TP63: variants seen among roughly 807,000 people sequenced by gnomAD.
TP63 encodes tumor protein 63.
A neutral mutation model predicts 82.8 loss-of-function variants in TP63; 17 were observed. That is an observed-to-expected ratio of 0.21 (90% CI 0.14 to 0.31). The LOEUF (loss-of-function observed/expected upper bound fraction) is 0.31. Ranked by LOEUF, TP63 falls within the 10% of genes least tolerant of loss-of-function variation. TP63 has a pLI of 1.00. For synonymous variants in TP63, 330 were observed against 321.7 expected (o/e 1.03, Z -0.28); for missense variants, 648 against 895.3 (o/e 0.72, Z 3.52).
At chr3:189,754,351 G>A (rs1722029875) in intron 3 of TP63, among the ~76,000 whole-genome samples, 1 of 151,942 alleles carries the variant, frequency 6.6e-6, no homozygotes, top group African/African-American at 2.4e-5. Context: ...AACTCAATTT[G>A]AACAAATTAT....
chr3:189,801,794 G>C (rs916444508), intron 3 of TP63, among the ~76,000 whole-genome samples: 1 of 152,098 alleles, frequency 6.6e-6, no homozygotes, highest in Admixed American at 6.5e-5. Flanking sequence ...TGAACTCTCT[G>C]CTTACAGTCT....
chr3:189,724,868 G>A (rs1446806682), intron 1 of TP63, among the ~76,000 whole-genome samples: 1 of 152,188 alleles, frequency 6.6e-6, no homozygotes, highest in African/African-American at 2.4e-5. Context: ...TCTTCAGGCA[G>A]TGGGGTGGAT....
chr3:189,750,651 T>C (rs781664851), intron 3 of TP63, among the ~76,000 whole-genome samples: 16 of 152,076 alleles, frequency 1.1e-4, no homozygotes, highest in East Asian at 1.9e-4. Flanking sequence ...TAATAAAACG[T>C]TGGACTCTGA....
At chr3:189,694,327 AT>A (rs1560115577) in intron 1 of TP63, among the ~76,000 whole-genome samples, 1 of 152,252 alleles carries the variant, frequency 6.6e-6, no homozygotes, top group Admixed American at 6.5e-5. Flanking sequence ...GTGATACATT[AT>A]TTTTAACTAA....
chr3:189,710,567 T>G (rs956008020), intron 1 of TP63, among the ~76,000 whole-genome samples: 20 of 152,200 alleles, frequency 1.3e-4, no homozygotes, highest in African/African-American at 4.8e-4. Context: ...ATCTTGCTGA[T>G]TTGTCCAACT....
At position 189,684,541 on chromosome 3, in the gene TP63, A is replaced by T. The variant is rs144926415; in HGVS notation, c.62+52964A>T. Among the ~76,000 whole-genome samples, 629 of 152,170 alleles carry T rather than the reference A, an allele frequency of 4.1e-3. 4 individuals carry two copies. Among genetic ancestry groups the T allele is most frequent in the African/African-American group, 0.014 (588 of 41,532 alleles). Reference sequence around the variant, plus strand: ...CTGAAGGTTAAGGGCAGGAAGTGAGAGTAGATTAGAGCAAAAGAGAAATAT... The same window carrying T: ...CTGAAGGTTAAGGGCAGGAAGTGAGTGTAGATTAGAGCAAAAGAGAAATAT... On this transcript the variant is annotated intron_variant, in intron 1 of 13. Coordinates refer to ENST00000264731, the MANE Select transcript of TP63 (RefSeq NM_003722.5).
chr3:189,773,915 C>CTTTTTTTTT (rs57761830), intron 3 of TP63, among the ~76,000 whole-genome samples: 1 of 72,892 alleles, frequency 1.4e-5, no homozygotes, highest in Non-Finnish European at 2.4e-5. Flanking sequence ...TGTCTCGTGC[C>CTTTTTTTTT]TTTTTTTTTT....
rs1560311554 is a variant in TP63, at chr3:189,894,386, C to T, written c.1927C>T (p.Arg643Ter). ...TRGERVIDAVRFTLRQTISFP... is the reference protein window; with the variant it reads ...TRGERVIDAV ...GGGTGAGCGTGTTATTGATGCTGTG[C>T]GATTCACCCTCCGCCAGACCATCTC... Residue 643 changes from arginine (R) to a stop codon, truncating the protein, a stop_gained, in exon 14 of 14, where the codon CGA becomes TGA. Coordinates refer to ENST00000264731, the MANE Select transcript of TP63 (RefSeq NM_003722.5). LOFTEE classifies it high-confidence loss of function. The T allele has an allele frequency of 6.2e-7, 1 of 1,613,954 alleles. No homozygotes were observed. The highest frequency in any genetic ancestry group is 8.5e-7 in the Non-Finnish European group (1 of 1,179,986).
At chr3:189,654,497 AT>A (rs1265842922) in intron 1 of TP63, among the ~76,000 whole-genome samples, 8 of 152,254 alleles carry the variant, frequency 5.3e-5, no homozygotes, top group Non-Finnish European at 1.2e-4. Flanking sequence ...AAATAAACAC[AT>A]TTTTGATGTT....
intron 4 of TP63, among the ~76,000 whole-genome samples, chr3:189,841,664 G>A (rs1289894188): frequency 2.6e-5 from 4 of 152,186 alleles, no homozygotes; most frequent in African/African-American, 7.2e-5. Flanking sequence ...TGAGCTGTGA[G>A]TGCCTCCCAG....
At chr3:189,870,031 A>G (rs1718228629) in intron 9 of TP63, among the ~76,000 whole-genome samples, 1 of 152,222 alleles carries the variant, frequency 6.6e-6, no homozygotes, top group African/African-American at 2.4e-5. Context: ...CTAAACTCCT[A>G]ACAGAATTTT....
chr3:189,604,837 A>G, the TP63 span, among the ~76,000 whole-genome samples: 1 of 152,210 alleles, frequency 6.6e-6, no homozygotes, highest in Non-Finnish European at 1.5e-5. Flanking sequence ...TGATTCTTTA[A>G]AAGTCTTGGG....
At chr3:189,701,145 T>C (rs770769769) in intron 1 of TP63, among the ~76,000 whole-genome samples, 15 of 152,130 alleles carry the variant, frequency 9.9e-5, no homozygotes, top group Non-Finnish European at 2.1e-4. Context: ...CATGGAGCTG[T>C]GAGTCCATTA....
intron 3 of TP63, among the ~76,000 whole-genome samples, chr3:189,799,441 A>G (rs1726054045): frequency 6.6e-6 from 1 of 152,102 alleles, no homozygotes; most frequent in Non-Finnish European, 1.5e-5. Context: ...GAATAATTAT[A>G]TGACCACAAA....
At chr3:189,600,537 A>G in the TP63 span, among the ~76,000 whole-genome samples, 9 of 152,214 alleles carry the variant, frequency 5.9e-5, no homozygotes, top group African/African-American at 2.2e-4. Flanking sequence ...AAGGTGTGAC[A>G]ACTAGTAAGT....
chr3:189,764,762 A>T (rs1001473708), intron 3 of TP63, among the ~76,000 whole-genome samples: 1 of 152,156 alleles, frequency 6.6e-6, no homozygotes, highest in African/African-American at 2.4e-5. Flanking sequence ...GTCATTTCTC[A>T]CCACACACTC....
At chr3:189,697,981 A>G (rs1307984156) in intron 1 of TP63, among the ~76,000 whole-genome samples, 4 of 152,008 alleles carry the variant, frequency 2.6e-5, no homozygotes, top group African/African-American at 9.7e-5. Flanking sequence ...TGTGAATAAA[A>G]CCAGTTTTAT....
intron 3 of TP63, among the ~76,000 whole-genome samples, chr3:189,772,671 G>A (rs953901731): frequency 7.2e-5 from 11 of 152,150 alleles, no homozygotes; most frequent in Non-Finnish European, 1.5e-4. Context: ...TCATTTTCAA[G>A]AAATGTGCTG....
intron 1 of TP63, among the ~76,000 whole-genome samples, chr3:189,691,181 A>G (rs566060923): frequency 3.9e-5 from 6 of 151,944 alleles, no homozygotes; most frequent in African/African-American, 1.4e-4. Context: ...TCTATTAAAA[A>G]TACAAAAATT....
Sources: gnomAD v4.1 joint callset for allele counts (sites outside exome capture counted in the v4.1 genomes callset) on GRCh38, gnomAD v4.1.1 for gene constraint, MANE v1.5 for transcripts, NCBI Gene and HGNC (gene_info 2026-07-23, HGNC 2026-07-21) for gene names.